The following ADAMTS10 variants were observed in gnomAD, a reference collection of about 807,000 sequenced individuals.
The protein encoded by ADAMTS10 is A disintegrin and metalloproteinase with thrombospondin motifs 10.
Under a neutral mutation model 135.9 loss-of-function variants are expected in ADAMTS10, and 48 were observed. The observed-to-expected ratio is 0.35, with a 90% CI of 0.28 to 0.45. The LOEUF (loss-of-function observed/expected upper bound fraction) is 0.45, where lower values mean the gene tolerates loss of function less well. Among genes scored for constraint, ADAMTS10 ranks in the 20% least tolerant of loss-of-function variants. The pLI is 1.00. For synonymous variants in ADAMTS10, 621 were observed against 647.5 expected (o/e 0.96, Z 0.62); for missense variants, 1,131 against 1,565.2 (o/e 0.72, Z 4.68).
chr19:8,584,359 G>T (rs891438134), intron 25 of ADAMTS10, among the ~76,000 whole-genome samples: 6 of 151,546 alleles, frequency 4.0e-5, no homozygotes, highest in African/African-American at 1.5e-4. Context: ...TAGAAGCCGG[G>T]GATGCTGCTG....
chr19:8,602,380 G>A (rs1053042202), intron 5 of ADAMTS10, among the ~76,000 whole-genome samples: 2 of 152,124 alleles, frequency 1.3e-5, no homozygotes, highest in African/African-American at 2.4e-5. Flanking sequence ...GTGCAATGGC[G>A]AAATCTCAAC....
rs782528683 is a variant in ADAMTS10, at chr19:8,589,250, G to A, written c.2150C>T (p.Pro717Leu). 1 of 1,612,690 alleles carries A rather than the reference G, an allele frequency of 6.2e-7. No homozygotes were observed. Among genetic ancestry groups the A allele is most frequent in the South Asian group, 1.1e-5 (1 of 91,082 alleles). The change falls in exon 18 of 26, where the codon CCT becomes CTT. Residue 717 changes from proline to leucine, a missense_variant. This residue lies in a region of ADAMTS10 where 745 missense variants were observed against 1,056.3 expected (regional missense o/e 0.71). Transcript: ENST00000597188. ...AAGCTGGAGACTCTCACCGGCCCCA[G>A]GTGAGGCTGGGCTGAAGACGCCCTC... is the stretch of plus-strand genomic sequence containing the variant. ...TIEGVFSPAS[P>L]GAGYEDVVWI...
At chr19:8,607,419 G>A (rs913712590) in intron 2 of ADAMTS10, among the ~76,000 whole-genome samples, 5 of 151,946 alleles carry the variant, frequency 3.3e-5, no homozygotes, top group African/African-American at 4.8e-5. Flanking sequence ...AGCCCGCCCC[G>A]CAGGTCTCAG....
In ADAMTS10 at chr19:8,596,564, C is replaced by A; in HGVS notation, c.1062G>T (p.Lys354Asn). Reference protein sequence around the residue: ...LITRYDICIYKNKPCGTLGLA... With the variant: ...LITRYDICIYNNKPCGTLGLA... ...TACCTAGTGTGCCGCAGGGTTTGTT[C>A]TTGTAGATGCAGATGTCATAGCTGT... Residue 354 changes from lysine (K) to asparagine (N), a missense_variant, in exon 9 of 26, where the codon AAG becomes AAT. By Grantham distance (94) the Lys-to-Asn change is moderately conservative. Around this residue, in one of 3 missense-constraint regions of ADAMTS10, gnomAD observed 80 missense variants for 164.4 expected, o/e 0.49. Coordinates refer to ENST00000597188, the MANE Select transcript of ADAMTS10 (RefSeq NM_030957.4). This position sits in a 1 kb window ranked among gnomAD's most constrained non-coding sequence, Gnocchi z 7.2. 1 of 1,613,588 alleles carries A rather than the reference C, an allele frequency of 6.2e-7. No homozygotes were observed. The highest frequency in any genetic ancestry group is 8.5e-7 in the Non-Finnish European group (1 of 1,180,002).
At chr19:8,588,904 G>T (rs1163119212) in intron 18 of ADAMTS10, among the ~76,000 whole-genome samples, 1 of 151,964 alleles carries the variant, frequency 6.6e-6, no homozygotes, top group African/African-American at 2.4e-5. Context: ...CAGTTCTCGT[G>T]CCTCAGCTTC....
rs150237441 is a variant in ADAMTS10, at chr19:8,605,276, C to A, written c.171G>T (p.Ser57=). 1 of 1,612,446 alleles carries A rather than the reference C, an allele frequency of 6.2e-7. No individual in the cohort carries two copies. Among genetic ancestry groups the A allele is most frequent in the Non-Finnish European group, 8.5e-7 (1 of 1,179,362 alleles). The change falls in exon 4 of 26, where the codon TCG becomes TCT. Residue 57 remains serine (S), a synonymous_variant. Coordinates refer to ENST00000597188, the MANE Select transcript of ADAMTS10 (RefSeq NM_030957.4). The surrounding 1 kb of genome is among the most constrained non-coding windows in gnomAD (Gnocchi z 7.7). Reference sequence around the variant, plus strand: ...GGCGCTGCCTCCGGGGAGGAGGTGGCGAGAAGGCCAGCAGTGCCCCGTTGT... The same window carrying A: ...GGCGCTGCCTCCGGGGAGGAGGTGGAGAGAAGGCCAGCAGTGCCCCGTTGT... ...VDHNGALLAF[S]PPPPRRQRRG...
chr19:8,594,072 C>T (rs1324096313), intron 12 of ADAMTS10, among the ~76,000 whole-genome samples: 2 of 152,178 alleles, frequency 1.3e-5, no homozygotes, highest in East Asian at 3.8e-4. Flanking sequence ...TCCTCTTGGC[C>T]ATATCTAAAA....
At chr19:8,599,983 C>T (rs782653334) in intron 6 of ADAMTS10, among the ~76,000 whole-genome samples, 86 of 151,840 alleles carry the variant, frequency 5.7e-4, no homozygotes, top group Non-Finnish European at 9.6e-4. Flanking sequence ...TACAGGTGCC[C>T]GCCACCACGC....
chr19:8,587,453 C>T (rs1170281482), intron 18 of ADAMTS10, among the ~76,000 whole-genome samples: 2 of 137,102 alleles, frequency 1.5e-5, no homozygotes, highest in Non-Finnish European at 3.1e-5. Flanking sequence ...CTGGGAGCAC[C>T]GGTATGAGCC....
Position 8,605,466 on chromosome 19 carries a change from A to G in ADAMTS10, c.89-108T>C. ...TGATGCTGGCCTCACTGACCCCCGA[A>G]ATCCAGGGAGTTGGCTGCAAGGCTC... On this transcript the variant is annotated intron_variant, in intron 3 of 25. Transcript: ENST00000597188. This position sits in a 1 kb window ranked among gnomAD's most constrained non-coding sequence, Gnocchi z 7.7. The G allele has an allele frequency of 6.8e-7, 1 of 1,470,516 alleles. No individual in the cohort carries two copies. The highest frequency in any genetic ancestry group is 9.2e-7 in the Non-Finnish European group (1 of 1,082,226). 91.1% of individuals were successfully genotyped at this position (1,470,516 alleles called of 1,614,324 possible). A position where few individuals can be genotyped will look rare whatever the true frequency, so the allele number is the denominator to read the frequency against.
At position 8,605,659 on chromosome 19, in the gene ADAMTS10, G is replaced by A. The variant is rs2042714137; in HGVS notation, c.52C>T (p.Leu18Phe). The A allele has an allele frequency of 6.2e-7, 1 of 1,613,484 alleles. No individual in the cohort carries two copies. Among genetic ancestry groups the A allele is most frequent in the Non-Finnish European group, 8.5e-7 (1 of 1,179,948 alleles). The change falls in exon 3 of 26, where the codon CTC (leucine) becomes TTC (phenylalanine). Residue 18 changes from leucine to phenylalanine, a missense_variant. Physicochemically the swap from Leu to Phe is conservative, Grantham distance 22 (BLOSUM62 0). Coordinates refer to ENST00000597188, the MANE Select transcript of ADAMTS10 (RefSeq NM_030957.4). This position sits in a 1 kb window ranked among gnomAD's most constrained non-coding sequence, Gnocchi z 7.7. ...AAGGCGTGCGTGACCTCGAACATGA[G>A]GCCCAGCCCCAGGGCGAGGGCCCAG... ...LRWALALGLG[L>F]MFEVTHAFRS...
chr19:8,609,633 G>T (rs2042759451), intron 1 of ADAMTS10, among the ~76,000 whole-genome samples: 1 of 152,026 alleles, frequency 6.6e-6, no homozygotes, highest in South Asian at 2.1e-4. Flanking sequence ...GGGAGGAGGG[G>T]GCCGGCGCCC....
Position 8,580,734 on chromosome 19 carries a change from C to A in ADAMTS10, c.*159G>T. On this transcript the variant is annotated 3_prime_UTR_variant, in exon 26 of 26. Transcript: ENST00000597188. ...GGGGATAGCCAGCCCCTCTCCATCC[C>A]CCCAGCCAGGGCCCTGCAGGGGTTC... is the stretch of plus-strand genomic sequence containing the variant. The A allele has an allele frequency of 1.6e-6, 1 of 625,068 alleles. No homozygotes were observed. Among genetic ancestry groups the A allele is most frequent in the Non-Finnish European group, 2.8e-6 (1 of 355,342 alleles). The allele number at this position is 625,068 out of a possible 1,614,324, so 38.7% of individuals were successfully genotyped here. A position where few individuals can be genotyped will look rare whatever the true frequency, so the allele number is the denominator to read the frequency against.
intron 2 of ADAMTS10, among the ~76,000 whole-genome samples, chr19:8,607,759 T>C (rs10418794): frequency 0.83 from 125,177 of 150,968 alleles, 53,599 homozygotes; most frequent in Non-Finnish European, 0.93. Context: ...GTGACCCCTG[T>C]TGCACTCTTT....
At chr19:8,598,802 C>T (rs932962379) in intron 6 of ADAMTS10, among the ~76,000 whole-genome samples, 2 of 151,642 alleles carry the variant, frequency 1.3e-5, no homozygotes, top group African/African-American at 4.9e-5. Flanking sequence ...TTCGAACTCC[C>T]GACCTCAGGT....
chr19:8,595,663 C>A, intron 12 of ADAMTS10, 99 bp downstream of exon 12: 2 of 1,522,582 alleles, frequency 1.3e-6, no homozygotes, highest in Non-Finnish European at 1.8e-6. Flanking sequence ...GGTTCTCCCA[C>A]CCCCTCACTT....
Position 8,587,930 on chromosome 19 carries a change from CAA to C in ADAMTS10, c.2159-1036_2159-1035del, listed in dbSNP as rs34536913. 8.7e-3 allele frequency among the ~76,000 whole-genome samples: 785 copies of C among 90,746 alleles called. 7 individuals carry two copies. The highest frequency in any genetic ancestry group is 0.025 in the African/African-American group (559 of 22,050). The allele number at this position is 90,746 out of a possible 152,430, so 59.5% of individuals were successfully genotyped here. Reference sequence around the variant, plus strand: ...TGTGTGACAGAGCGAGACCCCATCTCAAAAAAAAAAAAAAAAAAAAGAATTTT... The same window carrying C: ...TGTGTGACAGAGCGAGACCCCATCTCAAAAAAAAAAAAAAAAAAGAATTTT... On this transcript the variant is annotated intron_variant, in intron 18 of 25. Coordinates refer to ENST00000597188, the MANE Select transcript of ADAMTS10 (RefSeq NM_030957.4).
chr19:8,605,402 T>G lies in ADAMTS10; in HGVS notation c.89-44A>C. ...GGCCTGGGGTGGGCCCTGGTCTTAT[T>G]GGACCCCTGTGTCCTGGCTGTTAGG... On this transcript the variant is annotated intron_variant, in intron 3 of 25. Transcript: ENST00000597188. The surrounding 1 kb of genome is among the most constrained non-coding windows in gnomAD (Gnocchi z 7.7). 6.5e-7 allele frequency: 1 copy of G among 1,538,010 alleles called. No homozygotes were observed. Among genetic ancestry groups the G allele is most frequent in the Non-Finnish European group, 8.8e-7 (1 of 1,133,586 alleles).
At chr19:8,581,057 G>A in intron 25 of ADAMTS10, 55 bp from the exon 26 acceptor site, 1 of 1,310,116 alleles carries the variant, frequency 7.6e-7, no homozygotes, top group Non-Finnish European at 1.1e-6. Flanking sequence ...CTCCCCGCAG[G>A]GCTGCACACA....
Sources: gnomAD v4.1 joint callset for allele counts (sites outside exome capture counted in the v4.1 genomes callset) on GRCh38, gnomAD v4.1.1 for gene constraint, gnomAD v4.1.1 regional missense constraint, Gnocchi (gnomAD v3.1) non-coding constraint, MANE v1.5 for transcripts, NCBI Gene and HGNC (gene_info 2026-07-23, HGNC 2026-07-21) for gene names.